The following PTPRA variants were observed in gnomAD, a reference collection of about 807,000 sequenced individuals.
The protein encoded by PTPRA is receptor-type tyrosine-protein phosphatase alpha.
PTPRA carries 25 observed loss-of-function variants against 104.8 expected under a neutral mutation model. The observed-to-expected ratio is 0.24, with a 90% CI of 0.17 to 0.33. The LOEUF (loss-of-function observed/expected upper bound fraction) is 0.33, where lower values mean the gene tolerates loss of function less well. Among genes scored for constraint, PTPRA ranks in the 10% least tolerant of loss-of-function variants. The pLI, the probability that PTPRA is intolerant of heterozygous loss-of-function variation, is 1.00. For synonymous variants in PTPRA, 323 were observed against 368.9 expected (o/e 0.88, Z 1.43); for missense variants, 765 against 1,015.3 (o/e 0.75, Z 3.35).
chr20:3,008,426 G>A (rs1265746324), intron 11 of PTPRA, among the ~76,000 whole-genome samples: 3 of 152,164 alleles, frequency 2.0e-5, no homozygotes, highest in African/African-American at 7.2e-5. Context: ...TACATATGTA[G>A]AGTAGTCAAA....
At position 2,964,369 on chromosome 20, in the gene PTPRA, A is replaced by G; in HGVS notation, c.73+19A>G. ...ACCACAGGTAAATTGTCATTTGATA[A>G]GGCTGCTATTTGAAATGAAATTTTG... On this transcript the variant is annotated intron_variant, in intron 4 of 23. Coordinates refer to ENST00000399903, the MANE Select transcript of PTPRA (RefSeq NM_001385305.1). 1 of 1,555,676 alleles carries G rather than the reference A, an allele frequency of 6.4e-7. No individual in the cohort carries two copies. Among genetic ancestry groups the G allele is most frequent in the South Asian group, 1.2e-5 (1 of 84,386 alleles).
At chr20:2,938,468 G>A (rs529989456) in intron 2 of PTPRA, among the ~76,000 whole-genome samples, 7 of 151,944 alleles carry the variant, frequency 4.6e-5, no homozygotes, top group East Asian at 1.9e-4. Context: ...TTACAGATGC[G>A]AGCCACCGTA....
At chr20:2,993,774 T>A (rs1364632976) in intron 9 of PTPRA, among the ~76,000 whole-genome samples, 1 of 152,208 alleles carries the variant, frequency 6.6e-6, no homozygotes, top group Non-Finnish European at 1.5e-5. Flanking sequence ...TCTTATCCAG[T>A]GGGCTAGGGA....
At chr20:2,918,582 A>G (rs1347912243) in intron 1 of PTPRA, among the ~76,000 whole-genome samples, 1 of 152,220 alleles carries the variant, frequency 6.6e-6, no homozygotes, top group South Asian at 2.1e-4. Context: ...AGGGTCTGCC[A>G]TATCCACAAA....
intron 1 of PTPRA, among the ~76,000 whole-genome samples, chr20:2,903,039 G>A (rs2059294708): frequency 6.6e-6 from 1 of 152,132 alleles, no homozygotes; most frequent in South Asian, 2.1e-4. Context: ...ATGGGAGATA[G>A]TGCAGTTTGA....
chr20:3,013,176 T>C (rs2064261152), intron 11 of PTPRA, among the ~76,000 whole-genome samples: 1 of 152,154 alleles, frequency 6.6e-6, no homozygotes, highest in Non-Finnish European at 1.5e-5. Context: ...CTTAACTTTT[T>C]GCGTAGAGAA....
At position 2,873,522 on chromosome 20, in the gene PTPRA, A is replaced by ACGCG. The variant is rs990322411; in HGVS notation, c.-356_-353dup. 2 of 151,108 alleles carry ACGCG rather than the reference A, an allele frequency of 1.3e-5. No individual in the cohort carries two copies. Among genetic ancestry groups the ACGCG allele is most frequent in the African/African-American group, 4.8e-5 (2 of 41,238 alleles). 9.4% of individuals were successfully genotyped at this position (151,108 alleles called of 1,614,324 possible). ...TGCGGCGAGTGCGGCGCTGACAGAG[A>ACGCG]CGCGCGCGCGCGCGATCGCGCTCGG... On this transcript the variant is annotated 5_prime_UTR_variant, in exon 1 of 24. Coordinates refer to ENST00000399903, the MANE Select transcript of PTPRA (RefSeq NM_001385305.1). This position sits in a 1 kb window ranked among gnomAD's most constrained non-coding sequence, Gnocchi z 4.4.
chr20:2,926,691 G>T (rs2147430216), intron 2 of PTPRA, among the ~76,000 whole-genome samples: 1 of 149,544 alleles, frequency 6.7e-6, no homozygotes, highest in Middle Eastern at 3.6e-3. Context: ...CTAACTTTCG[G>T]AAGTACTCTT....
At chr20:2,996,851 G>T (rs532130991) in intron 9 of PTPRA, among the ~76,000 whole-genome samples, 36 of 152,286 alleles carry the variant, frequency 2.4e-4, no homozygotes, top group African/African-American at 8.7e-4. Flanking sequence ...ACTTACAGGT[G>T]GGGGAGTTTA....
chr20:2,875,536 T>A (rs2146742443), intron 1 of PTPRA, among the ~76,000 whole-genome samples: 1 of 152,216 alleles, frequency 6.6e-6, no homozygotes, highest in East Asian at 1.9e-4. Context: ...GATACAAAAG[T>A]GAGGAAGTCA....
At chr20:3,012,607 T>TA (rs1204860364) in intron 11 of PTPRA, among the ~76,000 whole-genome samples, 1 of 152,208 alleles carries the variant, frequency 6.6e-6, no homozygotes, top group African/African-American at 2.4e-5. Context: ...AAGGCAAAGA[T>TA]AAAGCATGGC....
intron 2 of PTPRA, among the ~76,000 whole-genome samples, chr20:2,942,453 C>G (rs1352589938): frequency 6.6e-6 from 1 of 151,860 alleles, no homozygotes; most frequent in African/African-American, 2.4e-5. Flanking sequence ...TTAAAAATGT[C>G]TCTTTTAAAC....
At chr20:2,981,610 T>C (rs1411738849) in intron 6 of PTPRA, among the ~76,000 whole-genome samples, 1 of 152,216 alleles carries the variant, frequency 6.6e-6, no homozygotes, top group African/African-American at 2.4e-5. Context: ...AAAGAAGCCC[T>C]TACCAGTCTC....
chr20:3,018,443 C>T (rs1436305230), intron 13 of PTPRA, among the ~76,000 whole-genome samples: 2 of 151,288 alleles, frequency 1.3e-5, no homozygotes, highest in Non-Finnish European at 2.9e-5. Flanking sequence ...AGCCTGCTGC[C>T]TTCAAGCATC....
At position 3,035,261 on chromosome 20, in the gene PTPRA, C is replaced by T. The variant is rs1025328930; in HGVS notation, c.1921-324C>T. On this transcript the variant is annotated intron_variant, in intron 20 of 23. Coordinates refer to ENST00000399903, the MANE Select transcript of PTPRA (RefSeq NM_001385305.1). The surrounding 1 kb of genome is among the most constrained non-coding windows in gnomAD (Gnocchi z 5.8). ...GTAAGCAGCATTAAATATGAAAACACCCCATGGGAGAAAAAGAAAGGAATT... is the reference window on the plus strand; with the variant it reads ...GTAAGCAGCATTAAATATGAAAACATCCCATGGGAGAAAAAGAAAGGAATT... Among the ~76,000 whole-genome samples, 2 of 152,126 alleles carry T rather than the reference C, an allele frequency of 1.3e-5. No homozygotes were observed. The highest frequency in any genetic ancestry group is 1.3e-4 in the Admixed American group (2 of 15,280).
chr20:2,962,698 A>G (rs998093587), intron 3 of PTPRA, among the ~76,000 whole-genome samples: 2 of 152,226 alleles, frequency 1.3e-5, no homozygotes, highest in Non-Finnish European at 2.9e-5. Context: ...ATGAAAATCT[A>G]ACAGTATATC....
At chr20:3,007,311 A>G (rs1004352571) in intron 10 of PTPRA, 33 bp from the exon 11 acceptor site, 3 of 1,596,414 alleles carry the variant, frequency 1.9e-6, no homozygotes, top group African/African-American at 2.7e-5. Flanking sequence ...ATAAATTTTG[A>G]TTTTACTGAA....
chr20:2,959,125 A>G (rs1340952896), intron 3 of PTPRA, among the ~76,000 whole-genome samples: 2 of 152,190 alleles, frequency 1.3e-5, no homozygotes, highest in Admixed American at 6.5e-5. Flanking sequence ...GTCGTGGTCT[A>G]TGGATATAGT....
At chr20:2,940,668 C>T (rs1400204554) in intron 2 of PTPRA, among the ~76,000 whole-genome samples, 2 of 151,990 alleles carry the variant, frequency 1.3e-5, no homozygotes, top group Non-Finnish European at 2.9e-5. Flanking sequence ...TCATGGGATC[C>T]TCCTGTCTCA....
Sources: allele counts gnomAD v4.1 joint callset (sites outside exome capture counted in the v4.1 genomes callset), GRCh38; gene constraint gnomAD v4.1.1; non-coding constraint Gnocchi (gnomAD v3.1); transcripts MANE v1.5; gene names NCBI Gene and HGNC (gene_info 2026-07-23, HGNC 2026-07-21).